Variants in UPP2 observed in about 807,000 individuals in gnomAD.
UPP2 encodes uridine phosphorylase 2.
UPP2 carries 23 observed loss-of-function variants against 26.7 expected under a neutral mutation model. That is an observed-to-expected ratio of 0.86 (90% confidence interval 0.62 to 1.22). UPP2 has a LOEUF of 1.22. UPP2 is among the 50% of genes most tolerant of loss of function. UPP2 has a pLI of 0.00. For missense variants in UPP2, 387 were observed against 396.7 expected (o/e 0.98, Z 0.21); for synonymous variants, 127 against 141.3 (o/e 0.90, Z 0.72).
intron 3 of UPP2, among the ~76,000 whole-genome samples, chr2:158,083,866 T>C (rs932343390): frequency 9.7e-5 from 14 of 145,018 alleles, no homozygotes; most frequent in Admixed American, 9.6e-4. Flanking sequence ...ATATATGTTT[T>C]TTATATATAT....
chr2:158,008,965 A>G (rs1488570728), intron 2 of UPP2, among the ~76,000 whole-genome samples: 2 of 152,174 alleles, frequency 1.3e-5, no homozygotes, highest in African/African-American at 4.8e-5. Flanking sequence ...CTAAGTATAT[A>G]AAAGTGCTTT....
In UPP2 at chr2:158,010,772, T is replaced by TTTTCTTTTTTC. The variant is rs10649233; in HGVS notation, c.62-5026_62-5025insCTTTTTTCTTT. Among the ~76,000 whole-genome samples the TTTTCTTTTTTC allele has an allele frequency of 6.6e-4, 98 of 149,052 alleles. No homozygotes were observed. In the East Asian group the frequency reaches 0.016, roughly 25 times the overall value. ...TTAGCTCCCTCTTTTTCTTTTTTTT[T>TTTTCTTTTTTC]TTTTTTTTTTTGAGACAGAGTCTCG... On this transcript the variant is annotated intron_variant, in intron 2 of 9. Coordinates refer to the UPP2 transcript ENST00000605860.
chr2:158,076,484 GA>G (rs930250856), intron 3 of UPP2, among the ~76,000 whole-genome samples: 1 of 151,982 alleles, frequency 6.6e-6, no homozygotes, highest in Non-Finnish European at 1.5e-5. Context: ...GACCAAGTGG[GA>G]TTTACCATAG....
intron 3 of UPP2, among the ~76,000 whole-genome samples, chr2:158,069,688 C>T (rs1472647352): frequency 1.3e-5 from 2 of 152,224 alleles, no homozygotes; most frequent in African/African-American, 2.4e-5. Context: ...GCAAGTTCCA[C>T]TGGCATGGCA....
Position 158,113,147 on chromosome 2 carries a change from G to C in UPP2, c.181-1954G>C, listed in dbSNP as rs193255974. Among the ~76,000 whole-genome samples the C allele has an allele frequency of 9.9e-5, 15 of 152,264 alleles. No homozygotes were observed. The East Asian group carries it at 2.9e-3, about 29-fold the overall frequency. ...TGTGCATATGATCTTTATGTCTCCA[G>C]AAATATTCAGAAATTCCTGTCGATT... On this transcript the variant is annotated intron_variant, in intron 2 of 6. Transcript: ENST00000005756.
At chr2:158,128,871 T>C (rs1683747961) in intron 6 of UPP2, among the ~76,000 whole-genome samples, 2 of 152,244 alleles carry the variant, frequency 1.3e-5, no homozygotes, top group African/African-American at 2.4e-5. Context: ...TGGGATCAAA[T>C]AAAACATTAA....
chr2:158,035,305 C>T lies in UPP2; in HGVS notation c.147+19419C>T, dbSNP rs143721846. Reference sequence around the variant, plus strand: ...CTGAGTAGCTGGGATTACAGGCATGCACCACCACGCCCAGCTAATTTTTGT... The same window carrying T: ...CTGAGTAGCTGGGATTACAGGCATGTACCACCACGCCCAGCTAATTTTTGT... On this transcript the variant is annotated intron_variant, in intron 3 of 9. Coordinates refer to the UPP2 transcript ENST00000605860. Among the ~76,000 whole-genome samples the T allele has an allele frequency of 7.7e-3, 1,165 of 152,068 alleles. 17 individuals carry two copies. The highest frequency in any genetic ancestry group is 0.027 in the African/African-American group (1,124 of 41,492).
intron 2 of UPP2, among the ~76,000 whole-genome samples, chr2:158,009,284 G>C (rs1022381877): frequency 6.6e-6 from 1 of 151,784 alleles, no homozygotes; most frequent in Non-Finnish European, 1.5e-5. Flanking sequence ...CTTTGTCCTT[G>C]AATTCTTTCC....
upstream of UPP2, among the ~76,000 whole-genome samples, chr2:158,098,626 G>T (rs7602989): frequency 6.6e-6 from 1 of 152,174 alleles, no homozygotes; most frequent in Non-Finnish European, 1.5e-5. Context: ...CCCTTCTCTT[G>T]CTCCTTGCTC....
chr2:158,025,026 A>T (rs1242255701), intron 3 of UPP2, among the ~76,000 whole-genome samples: 1 of 151,926 alleles, frequency 6.6e-6, no homozygotes, highest in Non-Finnish European at 1.5e-5. Flanking sequence ...ACATGGTGAA[A>T]CCCCGTCTCT....
intron 2 of UPP2, among the ~76,000 whole-genome samples, chr2:158,110,012 T>C (rs1683279110): frequency 6.6e-6 from 1 of 152,276 alleles, no homozygotes; most frequent in African/African-American, 2.4e-5. Context: ...AGAAGAAATA[T>C]TTTTTATTAT....
chr2:158,063,390 T>C (rs991501110), intron 3 of UPP2, among the ~76,000 whole-genome samples: 4 of 152,210 alleles, frequency 2.6e-5, no homozygotes, highest in African/African-American at 9.6e-5. Flanking sequence ...TATTTTTGAA[T>C]AAGTAAAAGA....
intron 2 of UPP2, among the ~76,000 whole-genome samples, chr2:158,107,694 T>C (rs918790119): frequency 6.6e-6 from 1 of 151,778 alleles, no homozygotes; most frequent in Non-Finnish European, 1.5e-5. Flanking sequence ...TGAGAAGAAA[T>C]AGATCTATTA....
intron 6 of UPP2, among the ~76,000 whole-genome samples, chr2:158,134,393 C>T (rs979094989): frequency 1.3e-5 from 2 of 152,200 alleles, no homozygotes; most frequent in African/African-American, 4.8e-5. Context: ...AAAGACCCTC[C>T]TCTAAGAACT....
intron 2 of UPP2, among the ~76,000 whole-genome samples, chr2:158,001,252 TAAG>T (rs1683401020): frequency 6.6e-6 from 1 of 152,148 alleles, no homozygotes; most frequent in South Asian, 2.1e-4. Context: ...TAGAGTTTAT[TAAG>T]GAGATTATTT....
At chr2:158,033,204 T>G (rs4664236) in intron 3 of UPP2, among the ~76,000 whole-genome samples, 91,446 of 151,956 alleles carry the variant, frequency 0.6, 29,937 homozygotes, top group East Asian at 0.99. Flanking sequence ...GGTGTTTCTT[T>G]CTTGAAATAA....
intron 3 of UPP2, among the ~76,000 whole-genome samples, chr2:158,065,262 G>T (rs983636315): frequency 6.6e-6 from 1 of 152,176 alleles, no homozygotes; most frequent in African/African-American, 2.4e-5. Context: ...GGACACAGAA[G>T]TGTTGAATTG....
chr2:158,013,144 A>G (rs368399683), intron 2 of UPP2, among the ~76,000 whole-genome samples: 2 of 152,116 alleles, frequency 1.3e-5, no homozygotes, highest in East Asian at 3.9e-4. Context: ...TGCCACCAAA[A>G]CTGGCTAATT....
chr2:158,083,850 T>G (rs1682768776), intron 3 of UPP2, among the ~76,000 whole-genome samples: 1 of 144,000 alleles, frequency 6.9e-6, no homozygotes, highest in Non-Finnish European at 1.5e-5. Flanking sequence ...TTATGTCTGT[T>G]TATATATATA....
Sources: gnomAD v4.1 joint callset for allele counts (sites outside exome capture counted in the v4.1 genomes callset) on GRCh38, gnomAD v4.1.1 for gene constraint, MANE v1.5 for transcripts, NCBI Gene and HGNC (gene_info 2026-07-23, HGNC 2026-07-21) for gene names.